The following SART1 variants were observed in gnomAD, a reference collection of about 807,000 sequenced individuals.
SART1 encodes spliceosome associated factor 1, recruiter of U4/U6.U5 tri-snRNP.
A neutral mutation model predicts 105.0 loss-of-function variants in SART1; 28 were observed. The ratio of observed to expected loss-of-function variants is 0.27; its 90% CI spans 0.20 to 0.37. The LOEUF (loss-of-function observed/expected upper bound fraction) is 0.37. SART1 is among the 10% of genes least tolerant of loss of function. The pLI is 1.00. For synonymous variants in SART1, 472 were observed against 462.9 expected (o/e 1.02, Z -0.25); for missense variants, 894 against 1,106.5 (o/e 0.81, Z 2.72).
chr11:65,976,399 TGGA>T lies in SART1; in HGVS notation c.1579_1581del (p.Glu527del). ...CACAGCCGCTCCCTCCCCCAGGTGGTGGAGATTGTGAAGAAGCTGGAGTCTCGC... is the reference window on the plus strand; with the variant it reads ...CACAGCCGCTCCCTCCCCCAGGTGGTGATTGTGAAGAAGCTGGAGTCTCGC... On this transcript the variant is annotated inframe_deletion, in exon 13 of 20. Transcript: ENST00000312397. The surrounding 1 kb of genome is among the most constrained non-coding windows in gnomAD (Gnocchi z 5.1). 6.5e-7 allele frequency: 1 copy of T among 1,539,232 alleles called. No individual in the cohort carries two copies. Among genetic ancestry groups the T allele is most frequent in the Non-Finnish European group, 8.7e-7 (1 of 1,146,094 alleles).
Position 65,978,904 on chromosome 11 carries a change from A to G in SART1, c.2374A>G (p.Ser792Gly). ...PYIVLSGSGK[S>G]MNANTITK The stretch of plus-strand genomic sequence containing the variant: ...CATCGTGCTCAGCGGCAGCGGCAAG[A>G]GCATGAACGCGTGAGTGGCTCGAGG... The change falls in exon 19 of 20, where the codon AGC becomes GGC. Residue 792 changes from serine (S) to glycine (G), a missense_variant. By Grantham distance (56) the Ser-to-Gly change is moderately conservative. This residue lies in a region of SART1 where 182 missense variants were observed against 328.3 expected (regional missense o/e 0.55). Coordinates refer to ENST00000312397, the MANE Select transcript of SART1 (RefSeq NM_005146.5). The surrounding 1 kb of genome is among the most constrained non-coding windows in gnomAD (Gnocchi z 6.8). The G allele has an allele frequency of 6.2e-7, 1 of 1,613,656 alleles. No homozygotes were observed. The highest frequency in any genetic ancestry group is 2.2e-5 in the East Asian group (1 of 44,854).
chr11:65,975,355 G>A (rs943877697), intron 12 of SART1, among the ~76,000 whole-genome samples: 2 of 149,308 alleles, frequency 1.3e-5, no homozygotes, highest in Non-Finnish European at 3.0e-5. Context: ...CTCCAGCCTC[G>A]GCCTCCCAAA....
chr11:65,972,344 C>T (rs1004250064), intron 12 of SART1, among the ~76,000 whole-genome samples: 5 of 151,912 alleles, frequency 3.3e-5, no homozygotes, highest in Non-Finnish European at 7.4e-5. Context: ...AGCGAGTGGG[C>T]GTGGGACAGT....
Position 65,978,523 on chromosome 11 carries a change from A to C in SART1, c.2173-77A>C. 7.1e-7 allele frequency: 1 copy of C among 1,409,152 alleles called. No individual in the cohort carries two copies. The highest frequency in any genetic ancestry group is 9.8e-7 in the Non-Finnish European group (1 of 1,019,982). The allele number at this position is 1,409,152 out of a possible 1,614,324, so 87.3% of individuals were successfully genotyped here. On this transcript the variant is annotated intron_variant, in intron 17 of 19. Coordinates refer to ENST00000312397, the MANE Select transcript of SART1 (RefSeq NM_005146.5). The surrounding 1 kb of genome is among the most constrained non-coding windows in gnomAD (Gnocchi z 6.8). ...GGGGTCAATCAACACCCGCCCTGTT[A>C]TTATACACCTTGTGGGCACAGGTGG...
intron 12 of SART1, 78 bp downstream of exon 12, chr11:65,967,899 A>G: frequency 8.3e-7 from 1 of 1,209,438 alleles, no homozygotes; most frequent in Non-Finnish European, 1.1e-6. Flanking sequence ...GGCGACAGCC[A>G]CATTCCTGTC....
rs117293758 is a variant in SART1, at chr11:65,975,632, C to T, written c.1573-763C>T. ...TGTTGCCCAGGCTGGTCTCGATCTC[C>T]GGAACTCAAGCAGTCCACCCGCCTC... is the stretch of plus-strand genomic sequence containing the variant. On this transcript the variant is annotated intron_variant, in intron 12 of 19. Transcript: ENST00000312397. 2.2e-3 allele frequency among the ~76,000 whole-genome samples: 339 copies of T among 151,878 alleles called. 7 individuals carry two copies. The East Asian group carries it at 0.048, about 21-fold the overall frequency.
In SART1 at chr11:65,978,417, G is replaced by T. The variant is rs140955513; in HGVS notation, c.2173-183G>T. 3.2e-6 allele frequency: 2 copies of T among 619,210 alleles called. No individual in the cohort carries two copies. The highest frequency in any genetic ancestry group is 5.7e-6 in the Non-Finnish European group (2 of 350,046). 38.4% of individuals were successfully genotyped at this position (619,210 alleles called of 1,614,324 possible). ...CATCCACTAGCCAAGCTGGTCTCCC[G>T]GCCTCTGCTGGGGCCCTGCAGGGTG... On this transcript the variant is annotated intron_variant, in intron 17 of 19. Coordinates refer to ENST00000312397, the MANE Select transcript of SART1 (RefSeq NM_005146.5). The surrounding 1 kb of genome is among the most constrained non-coding windows in gnomAD (Gnocchi z 6.8).
intron 1 of SART1, among the ~76,000 whole-genome samples, chr11:65,962,404 G>A (rs573529147): frequency 1.3e-5 from 2 of 152,306 alleles, no homozygotes; most frequent in South Asian, 4.1e-4. Flanking sequence ...GAGGACAGAG[G>A]GCTTCTGTTT....
At chr11:65,964,766 G>A (rs1447147578) in intron 3 of SART1, among the ~76,000 whole-genome samples, 196 bp downstream of exon 3, 1 of 152,230 alleles carries the variant, frequency 6.6e-6, no homozygotes, top group Non-Finnish European at 1.5e-5. Context: ...TGGAGCTGTG[G>A]CCGTCGCATA....
intron 3 of SART1, among the ~76,000 whole-genome samples, 158 bp downstream of exon 3, chr11:65,964,728 G>A (rs920992186): frequency 2.0e-5 from 3 of 152,222 alleles, no homozygotes; most frequent in African/African-American, 4.8e-5. Context: ...GTATAATGGG[G>A]ATCTGGGGCT....
In SART1 at chr11:65,978,637, G is replaced by A. The variant is rs770212951; in HGVS notation, c.2210G>A (p.Gly737Asp). Residue 737 changes from glycine (G) to aspartate (D), a missense_variant, in exon 18 of 20, where the codon GGC becomes GAC. This residue lies in a region of SART1 where 182 missense variants were observed against 328.3 expected (regional missense o/e 0.55). Transcript: ENST00000312397. The surrounding 1 kb of genome is among the most constrained non-coding windows in gnomAD (Gnocchi z 6.8). ...CTGTCGCACCGCTTCCATGGCAAGG[G>A]CTCAGGCAAGATGAAGACAGAGCGG... ...RQLSHRFHGK[G>D]SGKMKTERRM... The A allele has an allele frequency of 1.9e-6, 3 of 1,584,800 alleles. No homozygotes were observed. The highest frequency in any genetic ancestry group is 2.6e-6 in the Non-Finnish European group (3 of 1,165,504).
chr11:65,963,416 G>A (rs892045626), intron 1 of SART1, among the ~76,000 whole-genome samples: 3 of 152,058 alleles, frequency 2.0e-5, no homozygotes, highest in Non-Finnish European at 2.9e-5. Context: ...GGAGAGAGAA[G>A]CCTTTAAGAT....
chr11:65,966,224 G>C lies in SART1; in HGVS notation c.981+6G>C. On this transcript the variant is annotated splice_donor_region_variant and intron_variant, in intron 8 of 19. Transcript: ENST00000312397. ...GCGTGGACGACCTGGCGCAGGCACG[G>C]CCTGGGCAGGCTGGGTGGCGGGGGC... The C allele has an allele frequency of 6.2e-7, 1 of 1,613,978 alleles. No homozygotes were observed. The highest frequency in any genetic ancestry group is 8.5e-7 in the Non-Finnish European group (1 of 1,180,020).
At position 65,964,550 on chromosome 11, in the gene SART1, A is replaced by G. The variant is rs776883774; in HGVS notation, c.407A>G (p.Glu136Gly). Reference protein sequence around the residue: ...LRAKLGLKPLEVNAIKKEAGT... With the variant: ...LRAKLGLKPLGVNAIKKEAGT... Reference sequence around the variant, plus strand: ...GCAAAGTTGGGGCTGAAACCCTTGGAGGTTAATGCCATCAAGAAGGGTGAG... The same window carrying G: ...GCAAAGTTGGGGCTGAAACCCTTGGGGGTTAATGCCATCAAGAAGGGTGAG... The change falls in exon 3 of 20, where the codon GAG becomes GGG. Residue 136 changes from glutamate to glycine, a missense_variant. This residue lies in a region of SART1 where 712 missense variants were observed against 778.2 expected (regional missense o/e 0.91). Transcript: ENST00000312397. The G allele has an allele frequency of 6.2e-7, 1 of 1,611,802 alleles. No individual in the cohort carries two copies. Among genetic ancestry groups the G allele is most frequent in the Admixed American group, 1.7e-5 (1 of 59,068 alleles).
At position 65,970,393 on chromosome 11, in the gene SART1, G is replaced by C. The variant is rs1227441116; in HGVS notation, c.1572+2572G>C. On this transcript the variant is annotated intron_variant, in intron 12 of 19. Coordinates refer to ENST00000312397, the MANE Select transcript of SART1 (RefSeq NM_005146.5). ...AATCAAGTTTCCCACCCGCAAAGGA[G>C]CCTTTTCTGACTACCGGAGATTCTA... is the stretch of plus-strand genomic sequence containing the variant. Among the ~76,000 whole-genome samples the C allele has an allele frequency of 2.6e-5, 4 of 152,314 alleles. No individual in the cohort carries two copies. The East Asian group carries it at 5.8e-4, about 22-fold the overall frequency.
At chr11:65,962,318 G>A (rs551490558) in intron 1 of SART1, among the ~76,000 whole-genome samples, 1 of 152,240 alleles carries the variant, frequency 6.6e-6, no homozygotes, top group African/African-American at 2.4e-5. Context: ...AACAAAGCGA[G>A]ACTCTGTCTC....
intron 15 of SART1, 93 bp downstream of exon 15, chr11:65,977,194 C>T: frequency 2.3e-6 from 2 of 888,600 alleles, no homozygotes; most frequent in Non-Finnish European, 3.6e-6. Context: ...CTGCCCCTTT[C>T]TCTCAGTCCC....
intron 17 of SART1, 38 bp downstream of exon 17, chr11:65,977,937 C>G: frequency 6.3e-7 from 1 of 1,592,546 alleles, no homozygotes; most frequent in Non-Finnish European, 8.5e-7. Flanking sequence ...CCCGGCCTGC[C>G]ACAGGGAGGC....
In SART1 at chr11:65,967,821, G is replaced by C. The variant is rs1465338362; in HGVS notation, c.1572G>C (p.Lys524Asn). ...QLQQLRDSGEKVVEIVKKLES... is the reference protein window; with the variant it reads ...QLQQLRDSGENVVEIVKKLES... ...AGCAGCTGCGAGACAGTGGCGAGAAGGTGAGGCTGGGCATGGGCAGGGTGA... is the reference window on the plus strand; with the variant it reads ...AGCAGCTGCGAGACAGTGGCGAGAACGTGAGGCTGGGCATGGGCAGGGTGA... Residue 524 changes from lysine (K) to asparagine (N), a missense_variant and splice_region_variant, in exon 12 of 20, where the codon AAG (lysine) becomes AAC (asparagine). By Grantham distance (94) the Lys-to-Asn change is moderately conservative. Coordinates refer to ENST00000312397, the MANE Select transcript of SART1 (RefSeq NM_005146.5). The C allele has an allele frequency of 6.5e-6, 10 of 1,527,846 alleles. No homozygotes were observed. The highest frequency in any genetic ancestry group is 8.8e-6 in the Non-Finnish European group (10 of 1,134,682). The allele number at this position is 1,527,846 out of a possible 1,614,324, so 94.6% of individuals were successfully genotyped here. A position where few individuals can be genotyped will look rare whatever the true frequency, so the allele number is the denominator to read the frequency against.
Sources: allele counts gnomAD v4.1 joint callset (sites outside exome capture counted in the v4.1 genomes callset), GRCh38; gene constraint gnomAD v4.1.1; regional missense constraint gnomAD v4.1.1; non-coding constraint Gnocchi (gnomAD v3.1); transcripts MANE v1.5; gene names NCBI Gene and HGNC (gene_info 2026-07-23, HGNC 2026-07-21).